The following GALNT13 variants were observed in gnomAD, a reference collection of about 807,000 sequenced individuals.
GALNT13 encodes the protein polypeptide N-acetylgalactosaminyltransferase 13.
GALNT13 carries 28 observed loss-of-function variants against 64.2 expected under a neutral mutation model. The ratio of observed to expected loss-of-function variants is 0.44; its 90% CI spans 0.32 to 0.60. GALNT13 has a LOEUF of 0.60. Ranked by LOEUF, GALNT13 falls within the 20% of genes least tolerant of loss-of-function variation. The pLI is 0.05. For synonymous variants in GALNT13, 214 were observed against 224.6 expected (o/e 0.95, Z 0.42); for missense variants, 577 against 669.8 (o/e 0.86, Z 1.53).
chr2:153,722,602 T>A, the GALNT13 span, among the ~76,000 whole-genome samples: 2 of 151,360 alleles, frequency 1.3e-5, no homozygotes, highest in Non-Finnish European at 1.5e-5. Flanking sequence ...ATAGACACAA[T>A]AAAAAATGAT....
the GALNT13 span, among the ~76,000 whole-genome samples, chr2:153,830,439 A>G: frequency 7.2e-5 from 11 of 152,158 alleles, no homozygotes; most frequent in Non-Finnish European, 5.9e-5. Context: ...TATTTTGTCT[A>G]CTGAACAAGC....
the GALNT13 span, among the ~76,000 whole-genome samples, chr2:153,575,370 G>T: frequency 1.3e-5 from 2 of 152,148 alleles, no homozygotes; most frequent in African/African-American, 4.8e-5. Context: ...ACCACGCCTT[G>T]ACTACTACCT....
At chr2:153,607,903 C>A in the GALNT13 span, among the ~76,000 whole-genome samples, 2 of 152,114 alleles carry the variant, frequency 1.3e-5, no homozygotes, top group African/African-American at 4.8e-5. Context: ...TCTAGCCACA[C>A]ATAGTTAGCT....
At chr2:153,973,154 A>G (rs6753845) in intron 3 of GALNT13, among the ~76,000 whole-genome samples, 30,683 of 151,100 alleles carry the variant, frequency 0.2, 4,064 homozygotes, top group Middle Eastern at 0.33. Flanking sequence ...AGGAAAGTAC[A>G]TCAATTATCA....
the GALNT13 span, among the ~76,000 whole-genome samples, chr2:153,384,003 CAT>C: frequency 0.26 from 39,988 of 151,852 alleles, 6,779 homozygotes; most frequent in Non-Finnish European, 0.39. Flanking sequence ...TTTGAATTCA[CAT>C]CAGAACTTTG....
chr2:153,492,889 C>T, the GALNT13 span, among the ~76,000 whole-genome samples: 2 of 151,824 alleles, frequency 1.3e-5, no homozygotes, highest in African/African-American at 2.4e-5. Context: ...TACAATAAAA[C>T]ATCTAGGAAA....
chr2:153,385,777 G>A, the GALNT13 span, among the ~76,000 whole-genome samples: 6 of 151,874 alleles, frequency 4.0e-5, no homozygotes, highest in East Asian at 1.9e-4. Context: ...TCCATGATGC[G>A]ATTATTACAA....
At chr2:154,429,660 C>G (rs553118841) in intron 11 of GALNT13, among the ~76,000 whole-genome samples, 13 of 152,294 alleles carry the variant, frequency 8.5e-5, no homozygotes, top group African/African-American at 3.1e-4. Flanking sequence ...CAGTAAACAA[C>G]AGATTTTCAA....
chr2:154,351,406 G>A (rs761411862), intron 9 of GALNT13, among the ~76,000 whole-genome samples: 3 of 151,834 alleles, frequency 2.0e-5, no homozygotes, highest in Admixed American at 1.3e-4. Context: ...AGCTCTGGCC[G>A]GGCAAGGTGG....
chr2:153,613,340 A>G, the GALNT13 span, among the ~76,000 whole-genome samples: 2 of 152,158 alleles, frequency 1.3e-5, no homozygotes, highest in Non-Finnish European at 1.5e-5. Context: ...CTTTTGCTGT[A>G]AGTTAATATA....
the GALNT13 span, among the ~76,000 whole-genome samples, chr2:153,590,656 G>A: frequency 2.6e-5 from 4 of 152,074 alleles, no homozygotes; most frequent in Non-Finnish European, 1.5e-5. Context: ...AGCAATGCAA[G>A]GGTGGTTAAA....
At chr2:153,757,075 TG>T in the GALNT13 span, among the ~76,000 whole-genome samples, 8 of 152,176 alleles carry the variant, frequency 5.3e-5, no homozygotes, top group African/African-American at 1.9e-4. Flanking sequence ...GTATACAATA[TG>T]GAATGATTGA....
chr2:153,793,747 C>T, the GALNT13 span, among the ~76,000 whole-genome samples: 23 of 151,728 alleles, frequency 1.5e-4, no homozygotes, highest in South Asian at 4.8e-3. Flanking sequence ...ACTAGTAATC[C>T]ACCCTGGAAG....
the GALNT13 span, among the ~76,000 whole-genome samples, chr2:153,330,178 A>G: frequency 6.6e-6 from 1 of 152,182 alleles, no homozygotes; most frequent in African/African-American, 2.4e-5. Context: ...TGGTTACTGT[A>G]GCCTTATAGT....
intron 8 of GALNT13, among the ~76,000 whole-genome samples, chr2:154,295,288 G>A (rs1692852166): frequency 6.6e-6 from 1 of 151,770 alleles, no homozygotes; most frequent in South Asian, 2.1e-4. Context: ...AGTCCTTAAT[G>A]TTATTTAGCA....
chr2:153,299,707 A>T, the GALNT13 span, among the ~76,000 whole-genome samples: 1 of 152,190 alleles, frequency 6.6e-6, no homozygotes, highest in Non-Finnish European at 1.5e-5. Flanking sequence ...TTTGGAGCAG[A>T]GCTTGGTGGG....
chr2:154,320,458 A>G (rs931339932), intron 9 of GALNT13, among the ~76,000 whole-genome samples: 3 of 152,198 alleles, frequency 2.0e-5, no homozygotes, highest in East Asian at 1.9e-4. Context: ...CCTTCTGAGT[A>G]TAAATTCAGT....
the GALNT13 span, among the ~76,000 whole-genome samples, chr2:153,614,061 A>G: frequency 2.0e-5 from 3 of 152,088 alleles, no homozygotes; most frequent in Admixed American, 1.3e-4. Context: ...CCCAAACTGA[A>G]GAATGGCTAT....
chr2:153,155,420 G>A, the GALNT13 span, among the ~76,000 whole-genome samples: 1 of 152,154 alleles, frequency 6.6e-6, no homozygotes, highest in Non-Finnish European at 1.5e-5. Flanking sequence ...GTTCTGTTCA[G>A]GGATTCAATT....
Sources: allele counts gnomAD v4.1 joint callset (sites outside exome capture counted in the v4.1 genomes callset), GRCh38; gene constraint gnomAD v4.1.1; transcripts MANE v1.5; gene names NCBI Gene and HGNC (gene_info 2026-07-23, HGNC 2026-07-21).